Variants in OGFR observed in about 807,000 individuals in gnomAD.
The protein encoded by OGFR is protein 7-60.
Under a neutral mutation model 33.6 loss-of-function variants are expected in OGFR, and 18 were observed. The ratio of observed to expected loss-of-function variants is 0.54; its 90% CI spans 0.37 to 0.80. OGFR has a LOEUF of 0.80. Among genes scored for constraint, OGFR ranks in the 30% least tolerant of loss-of-function variants. OGFR has a pLI of 0.00. For missense variants in OGFR, 877 were observed against 955.8 expected (o/e 0.92, Z 1.09); for synonymous variants, 370 against 400.7 (o/e 0.92, Z 0.91).
intron 3 of OGFR, among the ~76,000 whole-genome samples, chr20:62,808,974 C>CAAAAAAAAAAA (rs5842400): frequency 1.5e-5 from 1 of 68,412 alleles, no homozygotes. Flanking sequence ...GACTCTGTCT[C>CAAAAAAAAAAA]AAAAAAAAAA....
At position 62,813,605 on chromosome 20, in the gene OGFR, C is replaced by G. The variant is rs749064253; in HGVS notation, c.1990C>G (p.Gln664Glu). The change falls in exon 7 of 7, where the codon CAG (glutamine) becomes GAG (glutamate). Residue 664 changes from glutamine to glutamate, a missense_variant. Physicochemically the swap from Gln to Glu is conservative, Grantham distance 29. This residue lies in a region of OGFR where 45 missense variants were observed against 38.0 expected (regional missense o/e 1.19). Transcript: ENST00000290291. ...PAKAGEAAEL[Q>E]DAEVESSAKS... Reference sequence around the variant, plus strand: ...CAAGGCGGGGGAGGCAGCAGAGTTGCAGGACGCAGAGGTGGAGTCTTCTGC... The same window carrying G: ...CAAGGCGGGGGAGGCAGCAGAGTTGGAGGACGCAGAGGTGGAGTCTTCTGC... 5.6e-6 allele frequency: 9 copies of G among 1,612,844 alleles called. No homozygotes were observed. The highest frequency in any genetic ancestry group is 4.4e-5 in the South Asian group (4 of 91,070).
At chr20:62,809,856 G>T (rs1990684627) in intron 4 of OGFR, among the ~76,000 whole-genome samples, 193 bp downstream of exon 4, 1 of 152,216 alleles carries the variant, frequency 6.6e-6, no homozygotes, top group Non-Finnish European at 1.5e-5. Flanking sequence ...GCTCAGGTCT[G>T]TCCCCAATCT....
chr20:62,811,125 G>C (rs950704195), intron 5 of OGFR, among the ~76,000 whole-genome samples: 3 of 152,222 alleles, frequency 2.0e-5, no homozygotes, highest in Admixed American at 6.5e-5. Flanking sequence ...ACTTTGAGAG[G>C]CTGAGGCGGG....
At chr20:62,808,489 G>A (rs11905838) in intron 3 of OGFR, among the ~76,000 whole-genome samples, 164 bp downstream of exon 3, 56,727 of 151,914 alleles carry the variant, frequency 0.37, 11,302 homozygotes, top group African/African-American at 0.47. Flanking sequence ...CAGGATCCCC[G>A]GCTTGGGATC....
At position 62,812,167 on chromosome 20, in the gene OGFR, C is replaced by T. The variant is rs534789241; in HGVS notation, c.615-63C>T. On this transcript the variant is annotated intron_variant, in intron 6 of 6. Coordinates refer to ENST00000290291, the MANE Select transcript of OGFR (RefSeq NM_007346.4). ...AGCCGGGTGGGAGGGCAGGCCAGGG[C>T]GGGGTGCGGCCCAGCAGGAGGGGCC... is the stretch of plus-strand genomic sequence containing the variant. 694 of 1,392,198 alleles carry T rather than the reference C, an allele frequency of 5.0e-4. No individual in the cohort carries two copies. In the African/African-American group the frequency reaches 9.2e-3, roughly 18 times the overall value. The allele number at this position is 1,392,198 out of a possible 1,614,324, so 86.2% of individuals were successfully genotyped here.
At position 62,813,748 on chromosome 20, in the gene OGFR, A is replaced by AC; in HGVS notation, c.*102dup. 7.1e-7 allele frequency: 1 copy of AC among 1,407,448 alleles called. No individual in the cohort carries two copies. Among genetic ancestry groups the AC allele is most frequent in the Non-Finnish European group, 1.0e-6 (1 of 1,003,442 alleles). 87.2% of individuals were successfully genotyped at this position (1,407,448 alleles called of 1,614,324 possible). On this transcript the variant is annotated 3_prime_UTR_variant, in exon 7 of 7. Coordinates refer to ENST00000290291, the MANE Select transcript of OGFR (RefSeq NM_007346.4). ...GGCTCCCCTCAGGCTCTGCTTCGTG[A>AC]CCCGTGACCCATGACCCACAGTGCT...
chr20:62,807,176 C>T (rs1990614146), intron 1 of OGFR: 1 of 309,556 alleles, frequency 3.2e-6, no homozygotes, highest in East Asian at 7.3e-5. Flanking sequence ...GCCAGCAGGC[C>T]TAGGAGGAGG....
intron 4 of OGFR, 103 bp from the exon 5 acceptor site, chr20:62,810,396 A>G: frequency 9.0e-7 from 1 of 1,116,392 alleles, no homozygotes; most frequent in Admixed American, 1.7e-5. Context: ...GAGCCTGGGA[A>G]CCCAGAGGGG....
intron 4 of OGFR, 43 bp downstream of exon 4, chr20:62,809,706 C>G (rs1600774645): frequency 2.4e-6 from 3 of 1,258,278 alleles, no homozygotes. Context: ...GGCGAGGCCA[C>G]AGGGGGAGGG....
Position 62,804,915 on chromosome 20 carries a change from A to G in OGFR, c.56A>G (p.Asp19Gly). 1 of 1,496,012 alleles carries G rather than the reference A, an allele frequency of 6.7e-7. No individual in the cohort carries two copies. Among genetic ancestry groups the G allele is most frequent in the Non-Finnish European group, 8.9e-7 (1 of 1,123,034 alleles). 92.7% of individuals were successfully genotyped at this position (1,496,012 alleles called of 1,614,324 possible). ...TWEEDEEDAEDAEDEDCEDGE... is the reference protein window; with the variant it reads ...TWEEDEEDAEGAEDEDCEDGE... ...GAGGAGGACGAGGAGGATGCGGAGG[A>G]CGCGGAGGACGAGGACTGCGAGGAC... Residue 19 changes from aspartate to glycine, a missense_variant, in exon 1 of 7, where the codon GAC becomes GGC. Physicochemically the swap from Asp to Gly is moderately conservative, Grantham distance 94 (BLOSUM62 -1). This residue lies in a region of OGFR where 760 missense variants were observed against 736.0 expected (regional missense o/e 1.03). Coordinates refer to ENST00000290291, the MANE Select transcript of OGFR (RefSeq NM_007346.4).
intron 6 of OGFR, among the ~76,000 whole-genome samples, 167 bp from the exon 7 acceptor site, chr20:62,812,063 G>A (rs1445693320): frequency 6.6e-6 from 1 of 152,198 alleles, no homozygotes; most frequent in Non-Finnish European, 1.5e-5. Context: ...CACAGGGATG[G>A]CATGAGTCCT....
At chr20:62,805,901 G>A (rs1223346202) in intron 1 of OGFR, 1 of 152,434 alleles carries the variant, frequency 6.6e-6, no homozygotes, top group Non-Finnish European at 1.5e-5. Context: ...AGTTCCTCAG[G>A]CCGCTCTCCT....
At chr20:62,810,671 C>T (rs887942285) in intron 5 of OGFR, 106 bp downstream of exon 5, 14 of 1,026,796 alleles carry the variant, frequency 1.4e-5, no homozygotes, top group Non-Finnish European at 2.1e-5. Flanking sequence ...TTGGTGCCCC[C>T]TCAGGGGTCC....
At position 62,812,501 on chromosome 20, in the gene OGFR, A is replaced by AGTGC; in HGVS notation, c.886_887insGTGC (p.Lys296SerfsTer41). ...GCCCCAAGACAAGCTGCGGAGGTTC[A>AGTGC]AGCCCAGCTCTCTGCCCCATCCGCT... On this transcript the variant is annotated frameshift_variant, in exon 7 of 7. Coordinates refer to ENST00000290291, the MANE Select transcript of OGFR (RefSeq NM_007346.4). LOFTEE classifies it low-confidence loss of function (END_TRUNC). The AGTGC allele has an allele frequency of 6.3e-7, 1 of 1,583,448 alleles. No individual in the cohort carries two copies. The highest frequency in any genetic ancestry group is 2.3e-5 in the East Asian group (1 of 43,292).
rs1990759342 is a variant in OGFR at position 62,812,639 on chromosome 20, G to A, written c.1024G>A (p.Asp342Asn). ...PEHSKGGGRV[D>N]EGPQPRSVEP... ...GCATAGCAAGGGTGGGGGCAGGGTGGACGAGGGGCCCCAGCCACGGAGCGT... is the reference window on the plus strand; with the variant it reads ...GCATAGCAAGGGTGGGGGCAGGGTGAACGAGGGGCCCCAGCCACGGAGCGT... The change falls in exon 7 of 7, where the codon GAC becomes AAC. Residue 342 changes from aspartate to asparagine, a missense_variant. Coordinates refer to ENST00000290291, the MANE Select transcript of OGFR (RefSeq NM_007346.4). The A allele has an allele frequency of 6.4e-7, 1 of 1,560,174 alleles. No homozygotes were observed. Among genetic ancestry groups the A allele is most frequent in the Non-Finnish European group, 8.7e-7 (1 of 1,153,296 alleles).
At position 62,812,980 on chromosome 20, in the gene OGFR, G is replaced by A. The variant is rs774567794; in HGVS notation, c.1365G>A (p.Val455=). 3 of 1,611,810 alleles carry A rather than the reference G, an allele frequency of 1.9e-6. No homozygotes were observed. The South Asian group carries it at 3.3e-5, about 18-fold the overall frequency. The change falls in exon 7 of 7, where the codon GTG becomes GTA. Residue 455 remains valine (V), a synonymous_variant. Coordinates refer to ENST00000290291, the MANE Select transcript of OGFR (RefSeq NM_007346.4). The part of the protein sequence containing the change: ...QPLGARVADK[V]RKRRKVDEGA... ...TGGGAGCCAGGGTGGCCGACAAGGT[G>A]AGGAAGCGGAGGAAGGTGGATGAGG...
In OGFR at chr20:62,812,710, G is replaced by A; in HGVS notation, c.1095G>A (p.Glu365=). ...CCCTGGAGAGGAGCCAGGGGGATGAGGCAGGGGGCCACGGGGAAGATAGGC... is the reference window on the plus strand; with the variant it reads ...CCCTGGAGAGGAGCCAGGGGGATGAAGCAGGGGGCCACGGGGAAGATAGGC... ...AGPLERSQGD[E]AGGHGEDRPE... is the part of the protein sequence containing the mutation. Residue 365 remains glutamate (E), a synonymous_variant, in exon 7 of 7, where the codon GAG becomes GAA. Transcript: ENST00000290291. 6.3e-7 allele frequency: 1 copy of A among 1,586,722 alleles called. No individual in the cohort carries two copies. The highest frequency in any genetic ancestry group is 8.6e-7 in the Non-Finnish European group (1 of 1,167,026).
Position 62,813,418 on chromosome 20 carries a change from C to T in OGFR, c.1803C>T (p.Thr601=), listed in dbSNP as rs1279482835. ...RDEPAESPSE[T]PGPRPAGPAG... is the part of the protein sequence containing the mutation. ...AGCCAGCCGAGAGCCCATCGGAGAC[C>T]CCAGGCCCCCGCCCGGCAGGACCTG... Residue 601 remains threonine (T), a synonymous_variant, in exon 7 of 7, where the codon ACC becomes ACT. Coordinates refer to ENST00000290291, the MANE Select transcript of OGFR (RefSeq NM_007346.4). 1 of 1,531,784 alleles carries T rather than the reference C, an allele frequency of 6.5e-7. No individual in the cohort carries two copies. Among genetic ancestry groups the T allele is most frequent in the Non-Finnish European group, 8.7e-7 (1 of 1,154,098 alleles). The allele number at this position is 1,531,784 out of a possible 1,614,324, so 94.9% of individuals were successfully genotyped here.
rs557578457 is a variant in OGFR, at chr20:62,808,278, C to A, written c.272C>A (p.Thr91Lys). The change falls in exon 3 of 7, where the codon ACG becomes AAG. Residue 91 changes from threonine (T) to lysine (K), a missense_variant. Physicochemically the swap from Thr to Lys is moderately conservative, Grantham distance 78 (BLOSUM62 -1). Transcript: ENST00000290291. ...GTGGAACGAGACTGCAATGGGGACA[C>A]GCCAAACCTGAGTTTCTACAGAAAT... ...DLVERDCNGD[T>K]PNLSFYRNEI... is the part of the protein sequence containing the mutation. 2.5e-6 allele frequency: 4 copies of A among 1,613,344 alleles called. No homozygotes were observed. The highest frequency in any genetic ancestry group is 3.4e-6 in the Non-Finnish European group (4 of 1,179,894).
Sources: allele counts gnomAD v4.1 joint callset (sites outside exome capture counted in the v4.1 genomes callset), GRCh38; gene constraint gnomAD v4.1.1; regional missense constraint gnomAD v4.1.1; transcripts MANE v1.5; gene names NCBI Gene and HGNC (gene_info 2026-07-23, HGNC 2026-07-21).